The following PDE1C variants were observed in gnomAD, a reference collection of about 807,000 sequenced individuals.
PDE1C encodes phosphodiesterase 1C, also known as dual specificity calcium/calmodulin-dependent 3',5'-cyclic nucleotide phosphodiesterase 1C.
PDE1C carries 62 observed loss-of-function variants against 93.1 expected under a neutral mutation model. That is an observed-to-expected ratio of 0.67 (90% CI 0.54 to 0.82). The LOEUF (loss-of-function observed/expected upper bound fraction) is 0.82, where lower values mean the gene tolerates loss of function less well. Ranked by LOEUF, PDE1C falls within the 40% of genes least tolerant of loss-of-function variation. PDE1C has a pLI of 0.00. For missense variants in PDE1C, 742 were observed against 884.6 expected (o/e 0.84, Z 2.04); for synonymous variants, 325 against 310.1 (o/e 1.05, Z -0.50).
At chr7:31,894,177 T>G (rs942130617) in intron 2 of PDE1C, among the ~76,000 whole-genome samples, 2 of 152,154 alleles carry the variant, frequency 1.3e-5, no homozygotes, top group Non-Finnish European at 2.9e-5. Context: ...TCTCTCAAAG[T>G]GTACGTGAGA....
chr7:32,288,337 T>C (rs1812131546), intron 1 of PDE1C, among the ~76,000 whole-genome samples: 1 of 152,166 alleles, frequency 6.6e-6, no homozygotes, highest in African/African-American at 2.4e-5. Context: ...AGCCTCTCAT[T>C]ATCATCAGCA....
chr7:32,222,101 T>C (rs944103075), intron 1 of PDE1C, among the ~76,000 whole-genome samples: 1 of 152,178 alleles, frequency 6.6e-6, no homozygotes, highest in African/African-American at 2.4e-5. Context: ...AGATCTAGCA[T>C]GTATATACAC....
intron 2 of PDE1C, among the ~76,000 whole-genome samples, chr7:32,051,037 G>A (rs1793281603): frequency 1.3e-5 from 2 of 152,152 alleles, no homozygotes; most frequent in African/African-American, 4.8e-5. Context: ...GGCACATGAG[G>A]GATGATGACA....
chr7:32,427,360 C>A (rs538556475), intron 1 of PDE1C, among the ~76,000 whole-genome samples: 1 of 152,134 alleles, frequency 6.6e-6, no homozygotes, highest in African/African-American at 2.4e-5. Context: ...ATCGTGTGTG[C>A]TCTTTTCACT....
At chr7:32,321,715 A>G (rs1423862951) in intron 1 of PDE1C, among the ~76,000 whole-genome samples, 1 of 152,208 alleles carries the variant, frequency 6.6e-6, no homozygotes, top group African/African-American at 2.4e-5. Flanking sequence ...TATTTTTCAC[A>G]TTCAGTTTCT....
At chr7:32,270,973 A>G (rs1810917925) in intron 1 of PDE1C, among the ~76,000 whole-genome samples, 1 of 148,356 alleles carries the variant, frequency 6.7e-6, no homozygotes, top group African/African-American at 2.5e-5. Context: ...TCTACTAAAA[A>G]AAGAAAAAAA....
intron 2 of PDE1C, among the ~76,000 whole-genome samples, chr7:32,050,572 ATG>A (rs1793210332): frequency 6.6e-6 from 1 of 150,698 alleles, no homozygotes; most frequent in African/African-American, 2.5e-5. Flanking sequence ...CACTATGTGT[ATG>A]TATATATATA....
chr7:31,777,321 C>CGATTT (rs1315589533), intron 16 of PDE1C, among the ~76,000 whole-genome samples: 1 of 151,866 alleles, frequency 6.6e-6, no homozygotes, highest in African/African-American at 2.4e-5. Flanking sequence ...TGATATCGTT[C>CGATTT]CATTTTATTT....
rs946332831 is a variant in PDE1C, at chr7:32,209,753, G to GAA, written c.86-216_86-215dup. ...TCAAATGTCTCAATCATTTTGATTA[G>GAA]AATATTTGGATGAAGCTAGAGAGGA... On this transcript the variant is annotated intron_variant, in intron 1 of 18. Coordinates refer to the PDE1C transcript ENST00000396193. Among the ~76,000 whole-genome samples the GAA allele has an allele frequency of 1.8e-4, 28 of 152,182 alleles. 1 individual carries two copies. The highest frequency in any genetic ancestry group is 1.4e-3 in the Admixed American group (21 of 15,276).
At chr7:31,808,972 ACAAGCTTACATTAAACTG>A in intron 16 of PDE1C, 41 bp downstream of exon 16, 1 of 984,604 alleles carries the variant, frequency 1.0e-6, no homozygotes, top group East Asian at 2.4e-5. Flanking sequence ...TATGATTCTA[ACAAGCTTACATTAAACTG>A]CACATTTTAT....
intron 2 of PDE1C, among the ~76,000 whole-genome samples, chr7:32,028,550 T>C (rs1789799174): frequency 1.3e-5 from 2 of 152,114 alleles, no homozygotes; most frequent in South Asian, 2.1e-4. Flanking sequence ...TTCCCATTTC[T>C]TTATCTTAAT....
chr7:32,145,742 A>C (rs1375545598), intron 3 of PDE1C, among the ~76,000 whole-genome samples: 1 of 151,946 alleles, frequency 6.6e-6, no homozygotes, highest in East Asian at 1.9e-4. Context: ...TTTTATTTTC[A>C]CCATAATTCT....
chr7:32,397,864 A>C (rs1784864102), intron 1 of PDE1C, among the ~76,000 whole-genome samples: 1 of 152,042 alleles, frequency 6.6e-6, no homozygotes, highest in Non-Finnish European at 1.5e-5. Context: ...GATACAAAAA[A>C]AAAAAATTAG....
chr7:32,167,756 C>A (rs898540717), intron 3 of PDE1C, among the ~76,000 whole-genome samples: 1 of 152,086 alleles, frequency 6.6e-6, no homozygotes, highest in African/African-American at 2.4e-5. Context: ...ACTCCAAATG[C>A]CCTCCAAGCG....
intron 1 of PDE1C, among the ~76,000 whole-genome samples, chr7:32,297,986 TCTCTCTCTCTC>T (rs1812699903): frequency 1.4e-4 from 8 of 56,094 alleles, no homozygotes; most frequent in African/African-American, 3.1e-4. Flanking sequence ...TCTCTCTCTC[TCTCTCTCTCTC>T]CTCTCTCTCT....
chr7:32,149,081 G>T (rs953162741), intron 3 of PDE1C, among the ~76,000 whole-genome samples: 2 of 152,150 alleles, frequency 1.3e-5, no homozygotes, highest in Admixed American at 6.5e-5. Flanking sequence ...GACCACACCT[G>T]CTCTTCAGTT....
At chr7:32,111,557 T>C (rs1300626905) in intron 3 of PDE1C, among the ~76,000 whole-genome samples, 2 of 152,144 alleles carry the variant, frequency 1.3e-5, no homozygotes, top group Non-Finnish European at 2.9e-5. Context: ...TGGATTCCTC[T>C]GGAGCCACAG....
intron 1 of PDE1C, among the ~76,000 whole-genome samples, chr7:32,395,049 G>A (rs1202300996): frequency 6.6e-6 from 1 of 152,134 alleles, no homozygotes; most frequent in East Asian, 1.9e-4. Context: ...CCAGCCTCAG[G>A]TATTCCTTTA....
intron 6 of PDE1C, among the ~76,000 whole-genome samples, chr7:31,871,014 G>C: frequency 6.6e-6 from 1 of 150,706 alleles, no homozygotes; most frequent in Middle Eastern, 3.4e-3. Context: ...GTATTTTCTG[G>C]TATTAGTATA....
Sources: allele counts gnomAD v4.1 joint callset (sites outside exome capture counted in the v4.1 genomes callset), GRCh38; gene constraint gnomAD v4.1.1; transcripts MANE v1.5; gene names NCBI Gene and HGNC (gene_info 2026-07-23, HGNC 2026-07-21).